The following EFNB2 variants were observed in gnomAD, a reference collection of about 807,000 sequenced individuals.
The protein encoded by EFNB2 is ephrin-B2.
In EFNB2, 5 loss-of-function variants were observed where a neutral mutation model predicts 32.1. That is an observed-to-expected ratio of 0.16 (90% CI 0.08 to 0.33). The LOEUF is 0.33. Among genes scored for constraint, EFNB2 ranks in the 10% least tolerant of loss-of-function variants. The pLI is 1.00. For missense variants in EFNB2, 263 were observed against 422.6 expected (o/e 0.62, Z 3.31); for synonymous variants, 168 against 166.5 (o/e 1.01, Z -0.07).
At chr13:106,529,260 T>C (rs1347855876) in intron 1 of EFNB2, among the ~76,000 whole-genome samples, 1 of 152,096 alleles carries the variant, frequency 6.6e-6, no homozygotes, top group Non-Finnish European at 1.5e-5. Context: ...CTCTGTTCCT[T>C]CCCAGCATGT....
chr13:106,531,963 T>C (rs1436199319), intron 1 of EFNB2, among the ~76,000 whole-genome samples: 2 of 151,930 alleles, frequency 1.3e-5, no homozygotes, highest in Non-Finnish European at 2.9e-5. Context: ...GCCCACTACT[T>C]TACTTAGGCC....
At chr13:106,496,939 T>G (rs1242224821) in intron 2 of EFNB2, among the ~76,000 whole-genome samples, 2 of 152,184 alleles carry the variant, frequency 1.3e-5, no homozygotes, top group Non-Finnish European at 2.9e-5. Context: ...TCATATACAT[T>G]TCTGCAATTT....
chr13:106,489,931 T>C lies in EFNB2; in HGVS notation c.*3109A>G, dbSNP rs1298088565. On this transcript the variant is annotated 3_prime_UTR_variant, in exon 5 of 5. Coordinates refer to ENST00000646441, the MANE Select transcript of EFNB2 (RefSeq NM_004093.4). ...GAAAAAAATATTTATAACTCAGGCA[T>C]AATACTGTGTTACTTACAAATTGGA... The C allele has an allele frequency of 2.0e-5, 3 of 152,616 alleles. No homozygotes were observed. Among genetic ancestry groups the C allele is most frequent in the Non-Finnish European group, 2.9e-5 (2 of 68,034 alleles). The allele number at this position is 152,616 out of a possible 1,614,324, so 9.5% of individuals were successfully genotyped here.
chr13:106,494,952 C>T lies in EFNB2; in HGVS notation c.542G>A (p.Arg181Lys). ...AGSTRNKDPT[R>K]RPELEAGTNG... ...TGTACCAGCTTCTAGTTCTGGACGT[C>T]TTGTTGGATCTTTATTCCTGGTTGA... Residue 181 changes from arginine to lysine, a missense_variant, in exon 4 of 5, where the codon AGA (arginine) becomes AAA (lysine). Physicochemically the swap from Arg to Lys is conservative, Grantham distance 26. This residue lies in a region of EFNB2 where 172 missense variants were observed against 237.1 expected (regional missense o/e 0.73). Coordinates refer to ENST00000646441, the MANE Select transcript of EFNB2 (RefSeq NM_004093.4). The T allele has an allele frequency of 1.2e-6, 2 of 1,614,164 alleles. No homozygotes were observed. Among genetic ancestry groups the T allele is most frequent in the Non-Finnish European group, 1.7e-6 (2 of 1,180,018 alleles).
In EFNB2 at chr13:106,535,150, G is replaced by C. The variant is rs1287666813; in HGVS notation, c.-186C>G. On this transcript the variant is annotated 5_prime_UTR_variant, in exon 1 of 5. Transcript: ENST00000646441. ...GTGCGCTCGCTCTCCGGGGCCCTCA[G>C]GGCGCGGGGCGGGAGCGCACGCGCG... The C allele has an allele frequency of 6.6e-6, 3 of 454,002 alleles. No individual in the cohort carries two copies. The highest frequency in any genetic ancestry group is 9.3e-6 in the Non-Finnish European group (3 of 324,182). 28.1% of individuals were successfully genotyped at this position (454,002 alleles called of 1,614,324 possible).
At chr13:106,524,492 A>G (rs139830192) in intron 1 of EFNB2, among the ~76,000 whole-genome samples, 19 of 152,370 alleles carry the variant, frequency 1.2e-4, no homozygotes, top group Non-Finnish European at 2.6e-4. Flanking sequence ...TGCTTCCCTC[A>G]TATGGTTACC....
chr13:106,519,788 G>A (rs1879438819), intron 1 of EFNB2: 1 of 152,110 alleles, frequency 6.6e-6, no homozygotes, highest in South Asian at 2.1e-4. Context: ...AATAGTCAAT[G>A]CTTTTGTGAT....
intron 1 of EFNB2, among the ~76,000 whole-genome samples, chr13:106,524,249 A>G (rs750200180): frequency 2.0e-5 from 3 of 152,210 alleles, no homozygotes; most frequent in African/African-American, 4.8e-5. Flanking sequence ...TTATACCACA[A>G]ACTTTTTGAT....
chr13:106,515,160 C>T (rs562391299), intron 1 of EFNB2, among the ~76,000 whole-genome samples: 30 of 152,144 alleles, frequency 2.0e-4, no homozygotes, highest in Non-Finnish European at 2.8e-4. Flanking sequence ...GGTGCTGATG[C>T]GGTGAGGTCG....
At position 106,489,781 on chromosome 13, in the gene EFNB2, A is replaced by G. The variant is rs1347345419; in HGVS notation, c.*3259T>C. On this transcript the variant is annotated 3_prime_UTR_variant, in exon 5 of 5. Coordinates refer to ENST00000646441, the MANE Select transcript of EFNB2 (RefSeq NM_004093.4). The stretch of plus-strand genomic sequence containing the variant: ...GAAAAAAATATTTTATTTTTTTAAG[A>G]ACAAATTCAGTTTGAAACAGATGTG... The G allele has an allele frequency of 2.0e-5, 3 of 152,678 alleles. No individual in the cohort carries two copies. Among genetic ancestry groups the G allele is most frequent in the Non-Finnish European group, 4.4e-5 (3 of 68,050 alleles). 9.5% of individuals were successfully genotyped at this position (152,678 alleles called of 1,614,324 possible).
chr13:106,493,816 C>T lies in EFNB2; in HGVS notation c.614-388G>A, dbSNP rs148194920. On this transcript the variant is annotated intron_variant, in intron 4 of 4. Transcript: ENST00000646441. The surrounding 1 kb of genome is among the most constrained non-coding windows in gnomAD (Gnocchi z 6.1). ...GAGCGTTTATGTGGTATTGCTCTTC[C>T]GCCTCCTTTGAGAAAGGGAGTTTCA... 4.6e-5 allele frequency among the ~76,000 whole-genome samples: 7 copies of T among 152,280 alleles called. No individual in the cohort carries two copies. The highest frequency in any genetic ancestry group is 9.6e-5 in the African/African-American group (4 of 41,566).
intron 1 of EFNB2, among the ~76,000 whole-genome samples, chr13:106,513,672 G>A (rs1879220233): frequency 6.6e-6 from 1 of 152,014 alleles, no homozygotes; most frequent in South Asian, 2.1e-4. Flanking sequence ...TTCTTAATGG[G>A]GAGTTTCTCT....
intron 4 of EFNB2, among the ~76,000 whole-genome samples, chr13:106,494,347 A>ACAC (rs1399293664): frequency 6.6e-6 from 1 of 152,248 alleles, no homozygotes; most frequent in Non-Finnish European, 1.5e-5. Flanking sequence ...GGACAATTTT[A>ACAC]TCTGGTATTC....
rs554797283 is a variant in EFNB2 at position 106,498,415 on chromosome 13, T to G, written c.407-2575A>C. ...GGAAGCACAAGAGGTGCACATTATTTGATTTTTTTTTCTTTTAATTTGTAG... is the reference window on the plus strand; with the variant it reads ...GGAAGCACAAGAGGTGCACATTATTGGATTTTTTTTTCTTTTAATTTGTAG... On this transcript the variant is annotated intron_variant, in intron 2 of 4. Coordinates refer to ENST00000646441, the MANE Select transcript of EFNB2 (RefSeq NM_004093.4). 5.3e-5 allele frequency among the ~76,000 whole-genome samples: 8 copies of G among 152,306 alleles called. No individual in the cohort carries two copies. In the South Asian group the frequency reaches 1.5e-3, roughly 28 times the overall value.
intron 1 of EFNB2, among the ~76,000 whole-genome samples, chr13:106,529,145 T>C (rs1420505479): frequency 1.3e-4 from 20 of 152,190 alleles, no homozygotes; most frequent in Admixed American, 1.3e-3. Flanking sequence ...TTACCTTTGC[T>C]TCTCCCATGC....
At chr13:106,532,248 G>A (rs1879902914) in intron 1 of EFNB2, among the ~76,000 whole-genome samples, 1 of 152,022 alleles carries the variant, frequency 6.6e-6, no homozygotes, top group Non-Finnish European at 1.5e-5. Flanking sequence ...AAGTAGTTAC[G>A]GAGACGCTGA....
intron 2 of EFNB2, among the ~76,000 whole-genome samples, chr13:106,506,878 T>G (rs773126708): frequency 2.6e-5 from 4 of 152,170 alleles, no homozygotes; most frequent in Non-Finnish European, 5.9e-5. Context: ...AGACAGGGGT[T>G]AAGTTACTTG....
chr13:106,506,349 G>A (rs149728207), intron 2 of EFNB2: 1 of 152,212 alleles, frequency 6.6e-6, no homozygotes, highest in African/African-American at 2.4e-5. Context: ...AAAAAGTCCT[G>A]GCAAGGCTGG....
chr13:106,535,024 C>T lies in EFNB2; in HGVS notation c.-60G>A. On this transcript the variant is annotated 5_prime_UTR_variant, in exon 1 of 5. Transcript: ENST00000646441. Reference sequence around the variant, plus strand: ...CAAGAAGGGACTGACGGGACGCAGGCTGGGACCCCCAATCCTCCGGGGCAG... The same window carrying T: ...CAAGAAGGGACTGACGGGACGCAGGTTGGGACCCCCAATCCTCCGGGGCAG... 6.3e-7 allele frequency: 1 copy of T among 1,598,970 alleles called. No individual in the cohort carries two copies. Among genetic ancestry groups the T allele is most frequent in the Non-Finnish European group, 8.5e-7 (1 of 1,173,470 alleles).
Sources: gnomAD v4.1 joint callset for allele counts (sites outside exome capture counted in the v4.1 genomes callset) on GRCh38, gnomAD v4.1.1 for gene constraint, gnomAD v4.1.1 regional missense constraint, Gnocchi (gnomAD v3.1) non-coding constraint, MANE v1.5 for transcripts, NCBI Gene and HGNC (gene_info 2026-07-23, HGNC 2026-07-21) for gene names.